Variants in UVRAG observed in about 807,000 individuals in gnomAD.
UVRAG encodes UV radiation resistance associated, also known as UV radiation resistance-associated gene protein.
Under a neutral mutation model 78.0 loss-of-function variants are expected in UVRAG, and 19 were observed. The observed-to-expected ratio is 0.24, with a 90% CI of 0.17 to 0.36. The LOEUF is 0.36. Ranked by LOEUF, UVRAG falls within the 10% of genes least tolerant of loss-of-function variation. UVRAG has a pLI of 1.00. For synonymous variants in UVRAG, 323 were observed against 324.6 expected (o/e 1.00, Z 0.05); for missense variants, 740 against 853.8 (o/e 0.87, Z 1.66).
At chr11:76,066,796 G>GTGTTT (rs991378103) in intron 13 of UVRAG, among the ~76,000 whole-genome samples, 6 of 152,142 alleles carry the variant, frequency 3.9e-5, no homozygotes, top group Admixed American at 6.5e-5. Context: ...TAAATAACAA[G>GTGTTT]TGTTTTGTTT....
At chr11:76,070,170 A>G (rs1418978540) in intron 13 of UVRAG, among the ~76,000 whole-genome samples, 1 of 152,192 alleles carries the variant, frequency 6.6e-6, no homozygotes, top group Non-Finnish European at 1.5e-5. Context: ...AACCTGGAGG[A>G]TATTATGCTA....
chr11:76,076,031 G>GT (rs1346323387), intron 13 of UVRAG, among the ~76,000 whole-genome samples: 2 of 152,162 alleles, frequency 1.3e-5, no homozygotes, highest in Admixed American at 6.5e-5. Flanking sequence ...TTTCTTGGCT[G>GT]TTATAAGAAT....
intron 1 of UVRAG, among the ~76,000 whole-genome samples, chr11:75,826,149 C>T (rs989163288): frequency 4.7e-5 from 7 of 149,710 alleles, no homozygotes; most frequent in Non-Finnish European, 7.4e-5. Flanking sequence ...GAACTTGTTT[C>T]GTTTTCTTTC....
At chr11:75,901,930 G>A (rs549874996) in intron 5 of UVRAG, among the ~76,000 whole-genome samples, 1 of 152,050 alleles carries the variant, frequency 6.6e-6, no homozygotes, top group Non-Finnish European at 1.5e-5. Flanking sequence ...ATATGCTTCC[G>A]TAGCACCTTG....
intron 5 of UVRAG, among the ~76,000 whole-genome samples, chr11:75,906,281 A>G (rs1371715107): frequency 6.6e-6 from 1 of 152,084 alleles, no homozygotes; most frequent in Non-Finnish European, 1.5e-5. Flanking sequence ...ATCCAAGGTT[A>G]TATAAACCCC....
chr11:75,986,359 T>C (rs1298653540), intron 8 of UVRAG, among the ~76,000 whole-genome samples: 2 of 152,182 alleles, frequency 1.3e-5, no homozygotes, highest in African/African-American at 4.8e-5. Context: ...GGTATATAGA[T>C]GTACAATTAA....
intron 8 of UVRAG, among the ~76,000 whole-genome samples, chr11:75,988,734 C>T (rs1345701942): frequency 6.6e-6 from 1 of 152,184 alleles, no homozygotes; most frequent in Middle Eastern, 3.2e-3. Flanking sequence ...CACATCTAAA[C>T]ATTAATTTTA....
At chr11:75,959,938 TA>T (rs1948877930) in intron 6 of UVRAG, among the ~76,000 whole-genome samples, 1 of 152,152 alleles carries the variant, frequency 6.6e-6, no homozygotes, top group Non-Finnish European at 1.5e-5. Context: ...GGCCAGTCAG[TA>T]GAGCAGTCAG....
intron 3 of UVRAG, among the ~76,000 whole-genome samples, chr11:75,873,402 A>T (rs947314280): frequency 1.1e-4 from 16 of 151,926 alleles, no homozygotes; most frequent in African/African-American, 2.9e-4. Flanking sequence ...TGTATTATCT[A>T]CTTGGGAAAA....
At chr11:75,940,266 A>G (rs1948458288) in intron 6 of UVRAG, among the ~76,000 whole-genome samples, 1 of 152,134 alleles carries the variant, frequency 6.6e-6, no homozygotes, top group Non-Finnish European at 1.5e-5. Flanking sequence ...TTAAAACGAG[A>G]GCATTGAATT....
chr11:75,830,955 G>A (rs1334035589), intron 1 of UVRAG, among the ~76,000 whole-genome samples: 2 of 152,112 alleles, frequency 1.3e-5, no homozygotes, highest in Non-Finnish European at 2.9e-5. Context: ...ACTAAGTTAG[G>A]CAACCTAGAA....
chr11:75,961,380 T>C (rs1948907448), intron 6 of UVRAG, 64 bp from the exon 7 acceptor site: 7 of 1,309,096 alleles, frequency 5.3e-6, no homozygotes, highest in Non-Finnish European at 7.4e-6. Flanking sequence ...GTCATTTATA[T>C]CTGAGGCTCT....
chr11:75,815,572 G>A, intron 1 of UVRAG, 48 bp downstream of exon 1: 15 of 1,146,336 alleles, frequency 1.3e-5, no homozygotes, highest in Non-Finnish European at 1.5e-5. Context: ...GGGCAGGCCC[G>A]CGTGGAGAGC....
intron 6 of UVRAG, among the ~76,000 whole-genome samples, chr11:75,928,866 C>T (rs551660814): frequency 3.1e-5 from 4 of 128,902 alleles, no homozygotes; most frequent in Non-Finnish European, 1.6e-5. Context: ...GACGTGAACC[C>T]GGGAAGCAGA....
intron 1 of UVRAG, among the ~76,000 whole-genome samples, chr11:75,827,309 C>T (rs1235026901): frequency 6.6e-6 from 1 of 151,416 alleles, no homozygotes; most frequent in Admixed American, 6.6e-5. Context: ...TTCATATTAG[C>T]GTATGTTAAA....
intron 1 of UVRAG, among the ~76,000 whole-genome samples, chr11:75,822,124 C>T (rs1019414893): frequency 2.6e-5 from 4 of 151,774 alleles, no homozygotes; most frequent in African/African-American, 9.7e-5. Context: ...CTTCTATTTT[C>T]AGTAGGACGG....
intron 1 of UVRAG, among the ~76,000 whole-genome samples, chr11:75,844,699 G>A (rs532244031): frequency 1.2e-4 from 18 of 151,052 alleles, no homozygotes; most frequent in African/African-American, 4.1e-4. Context: ...TTGAGACAAG[G>A]CCTCACTGTG....
At chr11:75,937,033 C>T (rs188927139) in intron 6 of UVRAG, among the ~76,000 whole-genome samples, 151 of 152,266 alleles carry the variant, frequency 9.9e-4, no homozygotes, top group African/African-American at 3.4e-3. Flanking sequence ...TGACAGGCCA[C>T]CAAGCTCCAG....
At chr11:76,107,352 A>ACCTCT (rs1951989493) in intron 13 of UVRAG, among the ~76,000 whole-genome samples, 1 of 152,196 alleles carries the variant, frequency 6.6e-6, no homozygotes, top group Non-Finnish European at 1.5e-5. Flanking sequence ...AGGCCATTTA[A>ACCTCT]CCTCTCACTT....
Sources: gnomAD v4.1 joint callset for allele counts (sites outside exome capture counted in the v4.1 genomes callset) on GRCh38, gnomAD v4.1.1 for gene constraint, MANE v1.5 for transcripts, NCBI Gene and HGNC (gene_info 2026-07-23, HGNC 2026-07-21) for gene names.